TAF1B: variants seen among roughly 807,000 people sequenced by gnomAD.
TAF1B encodes the protein TATA-box binding protein associated factor, RNA polymerase I subunit B.
In TAF1B, 61 loss-of-function variants were observed where a neutral mutation model predicts 83.9. The ratio of observed to expected loss-of-function variants is 0.73; its 90% CI spans 0.59 to 0.90. The LOEUF is 0.90. TAF1B is among the 40% of genes least tolerant of loss of function. The pLI, the probability that TAF1B is intolerant of heterozygous loss-of-function variation, is 0.00. For synonymous variants in TAF1B, 221 were observed against 224.6 expected (o/e 0.98, Z 0.14); for missense variants, 625 against 677.0 (o/e 0.92, Z 0.85).
intron 4 of TAF1B, chr2:9,852,003 A>G: frequency 2.1e-6 from 1 of 478,710 alleles, no homozygotes; most frequent in Non-Finnish European, 4.3e-6. Context: ...TTTGAGAACA[A>G]AATCGTTTGG....
intron 5 of TAF1B, among the ~76,000 whole-genome samples, chr2:9,855,754 A>G (rs901214628): frequency 2.0e-5 from 3 of 152,244 alleles, no homozygotes; most frequent in Admixed American, 6.5e-5. Flanking sequence ...CACTTTGAAC[A>G]TGCTCAGGAC....
At chr2:9,931,678 G>A (rs1369481264) in intron 14 of TAF1B, among the ~76,000 whole-genome samples, 5 of 152,076 alleles carry the variant, frequency 3.3e-5, no homozygotes, top group African/African-American at 1.2e-4. Flanking sequence ...ATCTTTGTGT[G>A]GTGTTCTCTG....
At chr2:9,850,963 A>G (rs1365812110) in intron 3 of TAF1B, among the ~76,000 whole-genome samples, 1 of 152,200 alleles carries the variant, frequency 6.6e-6, no homozygotes, top group Non-Finnish European at 1.5e-5. Flanking sequence ...GCAGAATGCC[A>G]TTGAGCAGTT....
chr2:9,868,472 T>C (rs773376124), intron 6 of TAF1B, 43 bp downstream of exon 6: 1 of 1,584,234 alleles, frequency 6.3e-7, no homozygotes, highest in African/African-American at 1.4e-5. Flanking sequence ...AAAGCTGTTA[T>C]GCCCCTTAAA....
Position 9,845,225 on chromosome 2 carries a change from G to C in TAF1B, c.24G>C (p.Glu8Asp). 2 of 1,613,552 alleles carry C rather than the reference G, an allele frequency of 1.2e-6. No individual in the cohort carries two copies. The change falls in exon 2 of 15, where the codon GAG (glutamate) becomes GAC (aspartate). Residue 8 changes from glutamate (E) to aspartate (D), a missense_variant. Glu to Asp is a conservative substitution (Grantham distance 45). Coordinates refer to ENST00000263663, the MANE Select transcript of TAF1B (RefSeq NM_005680.3). Reference protein sequence around the residue: MDLEEAEEFKERCTQCAA... With the variant: MDLEEAEDFKERCTQCAA... ...TCTGTCCTCTTCTCCCATAGGAAGA[G>C]TTTAAAGAACGCTGTACTCAGTGTG...
At position 9,876,788 on chromosome 2, in the gene TAF1B, G is replaced by A. The variant is rs1383314513; in HGVS notation, c.707+770G>A. ...AATTTGTCTCTGCTTTTGTTTCTTC[G>A]TTGGTAAAATGGGGCTAATAATAAC... is the stretch of plus-strand genomic sequence containing the variant. On this transcript the variant is annotated intron_variant, in intron 7 of 14. Transcript: ENST00000263663. Among the ~76,000 whole-genome samples, 4 of 152,190 alleles carry A rather than the reference G, an allele frequency of 2.6e-5. No individual in the cohort carries two copies. The East Asian group carries it at 5.8e-4, about 22-fold the overall frequency.
In TAF1B at chr2:9,875,911, A is replaced by G. The variant is rs778103253; in HGVS notation, c.600A>G (p.Gln200=). 4 of 1,612,694 alleles carry G rather than the reference A, an allele frequency of 2.5e-6. No individual in the cohort carries two copies. Among genetic ancestry groups the G allele is most frequent in the East Asian group, 4.5e-5 (2 of 44,854 alleles). ...SGSLDGVEYS[Q]RKEKGIVKMT... is the part of the protein sequence containing the mutation. ...CTCTGGATGGAGTTGAATACTCACA[A>G]CGAAAGGAGAAGGGAATCGTGAAGA... Residue 200 remains glutamine (Q), a synonymous_variant, in exon 7 of 15, where the codon CAA becomes CAG. Transcript: ENST00000263663.
At position 9,887,004 on chromosome 2, in the gene TAF1B, G is replaced by T. The variant is rs559291079; in HGVS notation, c.807+4199G>T. ...CGCTTGAACCCAGGAAGCGGAGGTT[G>T]CAGTGAGCCGAGATTGTGCCACTGC... On this transcript the variant is annotated intron_variant, in intron 8 of 14. Transcript: ENST00000263663. Among the ~76,000 whole-genome samples the T allele has an allele frequency of 6.6e-5, 10 of 152,220 alleles. No individual in the cohort carries two copies. The South Asian group carries it at 2.1e-3, about 32-fold the overall frequency.
intron 14 of TAF1B, among the ~76,000 whole-genome samples, chr2:9,930,164 G>A (rs1399853097): frequency 6.6e-6 from 1 of 151,548 alleles, no homozygotes; most frequent in Admixed American, 6.6e-5. Context: ...GGTTTTTTGT[G>A]TCTGTATCTC....
intron 8 of TAF1B, among the ~76,000 whole-genome samples, chr2:9,903,456 T>C (rs2125168246): frequency 6.6e-6 from 1 of 152,330 alleles, no homozygotes; most frequent in South Asian, 2.1e-4. Context: ...ATATTAGGAA[T>C]GTTTATAAAT....
intron 8 of TAF1B, among the ~76,000 whole-genome samples, chr2:9,891,777 A>T (rs1293798293): frequency 6.6e-6 from 1 of 152,212 alleles, no homozygotes; most frequent in Non-Finnish European, 1.5e-5. Flanking sequence ...AAAAATTTTA[A>T]AAATAGAAAA....
At chr2:9,892,788 A>G (rs1664911428) in intron 8 of TAF1B, among the ~76,000 whole-genome samples, 1 of 152,088 alleles carries the variant, frequency 6.6e-6, no homozygotes, top group South Asian at 2.1e-4. Context: ...CAGCAGTAGG[A>G]TTGCTGGGTC....
intron 6 of TAF1B, among the ~76,000 whole-genome samples, chr2:9,873,440 C>T (rs1401980064): frequency 1.3e-5 from 2 of 152,058 alleles, no homozygotes; most frequent in African/African-American, 4.8e-5. Flanking sequence ...CACCTAATAC[C>T]ATAGCTTTAA....
chr2:9,886,588 A>G (rs1430548963), intron 8 of TAF1B, among the ~76,000 whole-genome samples: 1 of 152,220 alleles, frequency 6.6e-6, no homozygotes, highest in Non-Finnish European at 1.5e-5. Flanking sequence ...TTCACTATTT[A>G]AAAGTAATTA....
chr2:9,848,639 C>T (rs1297117520), intron 2 of TAF1B, among the ~76,000 whole-genome samples: 2 of 150,978 alleles, frequency 1.3e-5, no homozygotes, highest in Non-Finnish European at 2.9e-5. Flanking sequence ...GCACTCCAGC[C>T]TGGGCGACGA....
At chr2:9,878,220 T>C (rs1021496029) in intron 7 of TAF1B, among the ~76,000 whole-genome samples, 6 of 58,076 alleles carry the variant, frequency 1.0e-4, no homozygotes, top group African/African-American at 2.1e-4. Flanking sequence ...ATTCTTCTTC[T>C]TTTTTTTTTT....
intron 7 of TAF1B, among the ~76,000 whole-genome samples, chr2:9,878,203 T>A (rs1487651192): frequency 6.6e-6 from 1 of 151,488 alleles, no homozygotes; most frequent in Non-Finnish European, 1.5e-5. Flanking sequence ...AATAAGCCCT[T>A]CAGGGGATTC....
intron 8 of TAF1B, among the ~76,000 whole-genome samples, chr2:9,891,979 G>A (rs984990325): frequency 5.9e-5 from 9 of 152,182 alleles, no homozygotes; most frequent in African/African-American, 1.2e-4. Context: ...TAGCCTAAGT[G>A]TACAGCATTT....
At chr2:9,925,477 G>A (rs1303383866) in intron 14 of TAF1B, among the ~76,000 whole-genome samples, 3 of 152,042 alleles carry the variant, frequency 2.0e-5, no homozygotes, top group South Asian at 2.1e-4. Context: ...ATTTTTTTCC[G>A]TTTTACAGAT....
Sources: allele counts gnomAD v4.1 joint callset (sites outside exome capture counted in the v4.1 genomes callset), GRCh38; gene constraint gnomAD v4.1.1; transcripts MANE v1.5; gene names NCBI Gene and HGNC (gene_info 2026-07-23, HGNC 2026-07-21).